MROH9: variants seen among roughly 807,000 people sequenced by gnomAD.
The protein encoded by MROH9 is maestro heat like repeat family member 9.
A neutral mutation model predicts 98.2 loss-of-function variants in MROH9; 92 were observed. The ratio of observed to expected loss-of-function variants is 0.94; its 90% CI spans 0.79 to 1.11. The LOEUF (loss-of-function observed/expected upper bound fraction) is 1.11. Among genes scored for constraint, MROH9 ranks in the 50% most tolerant of loss-of-function variants. MROH9 has a pLI of 0.00. For synonymous variants in MROH9, 397 were observed against 368.9 expected, an observed-to-expected ratio of 1.08 and a Z score of -0.87; for missense variants, 1,057 against 1,014.8, an observed-to-expected ratio of 1.04 and a Z score of -0.57.
chr1:170,987,795 T>C (rs568073054), intron 10 of MROH9, among the ~76,000 whole-genome samples: 44 of 152,344 alleles, frequency 2.9e-4, no homozygotes, highest in Admixed American at 1.1e-3. Flanking sequence ...TCATATATCC[T>C]ACCAACATTC....
intron 20 of MROH9, among the ~76,000 whole-genome samples, chr1:171,059,422 T>C (rs78465901): frequency 0.15 from 22,335 of 152,174 alleles, 1,965 homozygotes; most frequent in African/African-American, 0.24. Context: ...GAAATAGGAA[T>C]GCTTTTACAC....
At chr1:171,017,579 A>G (rs1338251182) in intron 17 of MROH9, among the ~76,000 whole-genome samples, 2 of 152,138 alleles carry the variant, frequency 1.3e-5, no homozygotes, top group African/African-American at 4.8e-5. Context: ...CCTGCTGTCT[A>G]AGCCCTTTAA....
At chr1:171,012,721 T>G (rs1486135185) in intron 15 of MROH9, among the ~76,000 whole-genome samples, 1 of 152,096 alleles carries the variant, frequency 6.6e-6, no homozygotes, top group East Asian at 1.9e-4. Context: ...TCCAGGATGG[T>G]CTCGATCTTC....
At chr1:170,971,365 G>C (rs775827207) in intron 7 of MROH9, among the ~76,000 whole-genome samples, 3 of 152,168 alleles carry the variant, frequency 2.0e-5, no homozygotes, top group Non-Finnish European at 4.4e-5. Context: ...AAGTACTAAA[G>C]GTTTTGGAAA....
At chr1:170,964,321 G>T (rs544204685) in intron 6 of MROH9, among the ~76,000 whole-genome samples, 2 of 151,248 alleles carry the variant, frequency 1.3e-5, no homozygotes, top group African/African-American at 4.9e-5. Flanking sequence ...TCTCAAAAAG[G>T]GCTGAAACCT....
chr1:171,023,630 TAATC>T (rs768375081), intron 17 of MROH9, among the ~76,000 whole-genome samples: 2 of 152,196 alleles, frequency 1.3e-5, no homozygotes, highest in Admixed American at 1.3e-4. Flanking sequence ...AAGGCATAAT[TAATC>T]AATTAAAATT....
intron 1 of MROH9, among the ~76,000 whole-genome samples, chr1:170,935,982 C>CAAAAAAAAAAAAAAAAAAAAAAAAA (rs59883013): frequency 1.6e-5 from 1 of 62,256 alleles, no homozygotes; most frequent in Admixed American, 2.5e-4. Flanking sequence ...CAGAGTGAGA[C>CAAAAAAAAAAAAAAAAAAAAAAAAA]AAAAAAAAAA....
At chr1:171,049,513 A>T (rs1269336051) in intron 20 of MROH9, among the ~76,000 whole-genome samples, 1 of 152,106 alleles carries the variant, frequency 6.6e-6, no homozygotes, top group Non-Finnish European at 1.5e-5. Context: ...AACCAACCCT[A>T]GTCAGAGAGG....
intron 3 of MROH9, among the ~76,000 whole-genome samples, chr1:170,950,150 G>T (rs1649493048): frequency 6.6e-6 from 1 of 152,010 alleles, no homozygotes; most frequent in Non-Finnish European, 1.5e-5. Flanking sequence ...CATAGATCCT[G>T]GCTGCACAGT....
intron 20 of MROH9, among the ~76,000 whole-genome samples, chr1:171,032,732 G>T (rs1571154740): frequency 6.6e-6 from 1 of 152,174 alleles, no homozygotes; most frequent in Non-Finnish European, 1.5e-5. Context: ...GACAAACCCT[G>T]TTGGAGGGTC....
At chr1:170,952,300 CAT>C (rs1468750329) in intron 3 of MROH9, among the ~76,000 whole-genome samples, 2 of 152,034 alleles carry the variant, frequency 1.3e-5, no homozygotes, top group Non-Finnish European at 2.9e-5. Context: ...CACATGCACA[CAT>C]ATGTTTATTG....
chr1:171,024,869 G>GA (rs1652655483), intron 19 of MROH9, 104 bp downstream of exon 19: 5 of 653,090 alleles, frequency 7.7e-6, no homozygotes, highest in Non-Finnish European at 1.0e-5. Context: ...GATCTTGGAG[G>GA]AAAAAAATGG....
intron 20 of MROH9, among the ~76,000 whole-genome samples, chr1:171,043,761 A>T (rs1374981105): frequency 6.6e-6 from 1 of 151,514 alleles, no homozygotes; most frequent in Non-Finnish European, 1.5e-5. Flanking sequence ...TGGGATTCAA[A>T]TTTTTTTCAC....
intron 17 of MROH9, among the ~76,000 whole-genome samples, chr1:171,018,422 T>C (rs1652401679): frequency 1.3e-5 from 2 of 149,220 alleles, no homozygotes; most frequent in Non-Finnish European, 3.0e-5. Flanking sequence ...AGATCAATAC[T>C]AGACAAACTC....
chr1:170,997,522 C>T (rs1651626095), intron 14 of MROH9, among the ~76,000 whole-genome samples: 1 of 152,144 alleles, frequency 6.6e-6, no homozygotes, highest in African/African-American at 2.4e-5. Context: ...CAAGGGTGAT[C>T]TGTTTGCACG....
intron 15 of MROH9, among the ~76,000 whole-genome samples, chr1:170,999,809 A>G (rs1408670172): frequency 1.3e-5 from 2 of 152,064 alleles, no homozygotes; most frequent in Non-Finnish European, 2.9e-5. Flanking sequence ...CAGTGTAGAA[A>G]TGTTCCCTGA....
Position 170,986,710 on chromosome 1 carries a change from G to C in MROH9, c.879G>C (p.Met293Ile). Residue 293 changes from methionine (M) to isoleucine (I), a missense_variant and splice_region_variant, in exon 10 of 22, where the codon ATG becomes ATC. Coordinates refer to ENST00000367759, the MANE Select transcript of MROH9 (RefSeq NM_001163629.2). ...TLEFHAEKVTMVSKIVDAIYR... is the reference protein window; with the variant it reads ...TLEFHAEKVTIVSKIVDAIYR... ...AATTTCATGCCGAGAAGGTCACCAT[G>C]GTAAGATACTTGACAATAAGCAGGA... The C allele has an allele frequency of 6.2e-7, 1 of 1,613,214 alleles. No individual in the cohort carries two copies. Among genetic ancestry groups the C allele is most frequent in the Non-Finnish European group, 8.5e-7 (1 of 1,179,556 alleles).
intron 15 of MROH9, among the ~76,000 whole-genome samples, chr1:170,999,257 C>A (rs1412436039): frequency 6.6e-6 from 1 of 151,980 alleles, no homozygotes; most frequent in Non-Finnish European, 1.5e-5. Context: ...TTTTGATGCA[C>A]CCATCACCTG....
chr1:171,026,767 T>G (rs1412205663), intron 20 of MROH9, among the ~76,000 whole-genome samples: 1 of 152,092 alleles, frequency 6.6e-6, no homozygotes, highest in African/African-American at 2.4e-5. Context: ...AAAACAAACC[T>G]TAGAAAATAT....
Sources: allele counts gnomAD v4.1 joint callset (sites outside exome capture counted in the v4.1 genomes callset), GRCh38; gene constraint gnomAD v4.1.1; transcripts MANE v1.5; gene names NCBI Gene and HGNC (gene_info 2026-07-23, HGNC 2026-07-21).